C6orf89: variants seen among roughly 807,000 people sequenced by gnomAD.
The protein encoded by C6orf89 is chromosome 6 open reading frame 89.
In C6orf89, 29 loss-of-function variants were observed where a neutral mutation model predicts 40.7. The observed-to-expected ratio is 0.71, with a 90% CI of 0.53 to 0.97. The LOEUF is 0.97. Among genes scored for constraint, C6orf89 ranks in the 50% least tolerant of loss-of-function variants. The pLI, the probability that C6orf89 is intolerant of heterozygous loss-of-function variation, is 0.00. For synonymous variants in C6orf89, 165 were observed against 152.2 expected, an observed-to-expected ratio of 1.08 and a Z score of -0.62; for missense variants, 392 against 429.1, an observed-to-expected ratio of 0.91 and a Z score of 0.76.
chr6:36,915,697 C>A (rs1762288818), intron 6 of C6orf89, among the ~76,000 whole-genome samples: 1 of 150,150 alleles, frequency 6.7e-6, no homozygotes, highest in Non-Finnish European at 1.5e-5. Flanking sequence ...CAAAGTGAGA[C>A]CCTGTTTCAA....
intron 8 of C6orf89, 88 bp downstream of exon 8, chr6:36,919,789 A>G (rs1762452583): frequency 2.2e-6 from 3 of 1,378,454 alleles, no homozygotes; most frequent in East Asian, 2.4e-5. Context: ...CTGCCTTCAC[A>G]AAAGTTTTAT....
At chr6:36,893,134 C>T (rs1398318688) in intron 1 of C6orf89, among the ~76,000 whole-genome samples, 2 of 150,584 alleles carry the variant, frequency 1.3e-5, no homozygotes, top group African/African-American at 4.9e-5. Context: ...CGGGGTTTCA[C>T]TGTGTTAGCC....
upstream of C6orf89, chr6:36,871,865 T>G (rs1229204801): frequency 6.3e-7 from 1 of 1,583,938 alleles, no homozygotes; most frequent in Non-Finnish European, 8.5e-7. Context: ...AGCACAATGA[T>G]TCCCATGCTG....
chr6:36,913,548 G>A (rs948327390), intron 4 of C6orf89, among the ~76,000 whole-genome samples: 1 of 152,146 alleles, frequency 6.6e-6, no homozygotes, highest in African/African-American at 2.4e-5. Context: ...AGCGATAATA[G>A]GGGTCACCCT....
Position 36,915,536 on chromosome 6 carries a change from G to T in C6orf89, c.695+843G>T, listed in dbSNP as rs1406442142. Among the ~76,000 whole-genome samples the T allele has an allele frequency of 3.3e-5, 5 of 152,238 alleles. No individual in the cohort carries two copies. The East Asian group carries it at 9.6e-4, about 29-fold the overall frequency. On this transcript the variant is annotated intron_variant, in intron 6 of 8. Transcript: ENST00000480824. The stretch of plus-strand genomic sequence containing the variant: ...GCGGGTTGATCACTTGGGCCCGGGA[G>T]TTGGAGACCAGCCCAGGCAACATAG...
intron 2 of C6orf89, among the ~76,000 whole-genome samples, chr6:36,899,068 C>CAGT (rs1761561175): frequency 6.6e-6 from 1 of 152,022 alleles, no homozygotes; most frequent in Non-Finnish European, 1.5e-5. Context: ...AAGGAATCTC[C>CAGT]AGTAGCAGAT....
intron 1 of C6orf89, among the ~76,000 whole-genome samples, chr6:36,872,893 G>A (rs1431391258): frequency 6.6e-6 from 1 of 152,214 alleles, no homozygotes; most frequent in East Asian, 1.9e-4. Context: ...ACAGATGTGA[G>A]CTATGGCACC....
intron 4 of C6orf89, among the ~76,000 whole-genome samples, chr6:36,911,769 C>A (rs995801526): frequency 6.6e-6 from 1 of 152,110 alleles, no homozygotes; most frequent in African/African-American, 2.4e-5. Flanking sequence ...TACCAGAGAT[C>A]TGCAGGTTTA....
At chr6:36,880,082 G>C (rs1317629941) in intron 2 of C6orf89, among the ~76,000 whole-genome samples, 1 of 152,232 alleles carries the variant, frequency 6.6e-6, no homozygotes, top group East Asian at 1.9e-4. Flanking sequence ...CTCCTCCACA[G>C]ACTATCTTAA....
upstream of C6orf89, chr6:36,885,923 G>C: frequency 9.3e-7 from 1 of 1,080,276 alleles, no homozygotes; most frequent in African/African-American, 1.6e-5. Context: ...AGGAGTGGGG[G>C]GTTGCTTCCG....
At chr6:36,918,705 A>G (rs1190372003) in intron 7 of C6orf89, among the ~76,000 whole-genome samples, 9 of 152,180 alleles carry the variant, frequency 5.9e-5, no homozygotes, top group African/African-American at 2.2e-4. Flanking sequence ...AAGAGGCCCT[A>G]GGGGTTTTCT....
intron 2 of C6orf89, among the ~76,000 whole-genome samples, chr6:36,896,332 T>G (rs1343643718): frequency 1.3e-5 from 2 of 152,182 alleles, no homozygotes; most frequent in Non-Finnish European, 2.9e-5. Flanking sequence ...GATCTCGAAC[T>G]CCTGACCTCA....
At chr6:36,877,442 T>C (rs1284898431) in intron 1 of C6orf89, among the ~76,000 whole-genome samples, 1 of 152,230 alleles carries the variant, frequency 6.6e-6, no homozygotes, top group Non-Finnish European at 1.5e-5. Context: ...GCGATTCTCC[T>C]GCCTCAGCCT....
rs1583187060 is a variant in C6orf89, at chr6:36,910,770, G to A, written c.404-3514G>A. On this transcript the variant is annotated intron_variant, in intron 4 of 8. Transcript: ENST00000480824. ...TGGTCTCAAACTCCTGGGCTCAAGC[G>A]ATCCCACCTCAGCCTCCCAAAGTGT... is the stretch of plus-strand genomic sequence containing the variant. Among the ~76,000 whole-genome samples, 4 of 151,048 alleles carry A rather than the reference G, an allele frequency of 2.6e-5. No homozygotes were observed. In the South Asian group the frequency reaches 6.3e-4, roughly 24 times the overall value.
At position 36,889,379 on chromosome 6, in the gene C6orf89, T is replaced by A. The variant is rs985565612; in HGVS notation, c.-120+3351T>A. On this transcript the variant is annotated intron_variant, in intron 1 of 8. Coordinates refer to ENST00000480824, the MANE Select transcript of C6orf89 (RefSeq NM_001286635.2). ...AAACCTGAGAAACAAGAAAGTGTGTTACTTTCTCCCCCCAACCCCCAAAGG... is the reference window on the plus strand; with the variant it reads ...AAACCTGAGAAACAAGAAAGTGTGTAACTTTCTCCCCCCAACCCCCAAAGG... 3.9e-5 allele frequency among the ~76,000 whole-genome samples: 6 copies of A among 152,192 alleles called. 1 individual carries two copies.
chr6:36,919,766 T>C, intron 8 of C6orf89, 65 bp downstream of exon 8: 1 of 1,503,684 alleles, frequency 6.7e-7, no homozygotes, highest in Non-Finnish European at 9.0e-7. Flanking sequence ...AAAGCTATTT[T>C]AAGAATCACA....
intron 1 of C6orf89, among the ~76,000 whole-genome samples, chr6:36,874,262 T>A (rs780597788): frequency 2.0e-5 from 3 of 152,212 alleles, no homozygotes; most frequent in African/African-American, 7.2e-5. Flanking sequence ...GTGGGGAAAA[T>A]GTGCTTCTTC....
chr6:36,890,073 A>G (rs564706737), intron 1 of C6orf89, among the ~76,000 whole-genome samples: 3 of 152,254 alleles, frequency 2.0e-5, no homozygotes, highest in Non-Finnish European at 2.9e-5. Flanking sequence ...AACCATCACC[A>G]TGATCCATGC....
intron 1 of C6orf89, among the ~76,000 whole-genome samples, chr6:36,887,677 T>C (rs2150676803): frequency 6.6e-6 from 1 of 152,268 alleles, no homozygotes; most frequent in South Asian, 2.1e-4. Flanking sequence ...ACTGAACAGG[T>C]AGGCAGTGAC....
Sources: allele counts gnomAD v4.1 joint callset (sites outside exome capture counted in the v4.1 genomes callset), GRCh38; gene constraint gnomAD v4.1.1; transcripts MANE v1.5; gene names NCBI Gene and HGNC (gene_info 2026-07-23, HGNC 2026-07-21).